SND1: variants seen among roughly 807,000 people sequenced by gnomAD.
The protein encoded by SND1 is staphylococcal nuclease and tudor domain containing 1, also known as staphylococcal nuclease domain-containing protein 1.
In SND1, 38 loss-of-function variants were observed where a neutral mutation model predicts 121.7. The observed-to-expected ratio is 0.31, with a 90% CI of 0.24 to 0.41. SND1 has a LOEUF of 0.41. SND1 is among the 10% of genes least tolerant of loss of function. The pLI, the probability that SND1 is intolerant of heterozygous loss-of-function variation, is 1.00. For missense variants in SND1, 868 were observed against 1,184.6 expected (o/e 0.73, Z 3.92); for synonymous variants, 401 against 447.4 (o/e 0.90, Z 1.31).
intron 12 of SND1, among the ~76,000 whole-genome samples, chr7:127,882,424 AGGAGGGGAGG>A (rs1303472797): frequency 3.4e-4 from 18 of 52,610 alleles, no homozygotes; most frequent in African/African-American, 1.3e-3. Context: ...AAAAGAGGAG[AGGAGGGGAGG>A]GGAGGGGAGG....
intron 1 of SND1, among the ~76,000 whole-genome samples, chr7:127,655,699 T>A (rs963572682): frequency 6.6e-6 from 1 of 152,222 alleles, no homozygotes; most frequent in Non-Finnish European, 1.5e-5. Context: ...AACAGAATAT[T>A]GTCAGCAGAT....
At chr7:127,817,949 T>C (rs1280064984) in intron 11 of SND1, among the ~76,000 whole-genome samples, 1 of 152,074 alleles carries the variant, frequency 6.6e-6, no homozygotes, top group Non-Finnish European at 1.5e-5. Flanking sequence ...ACATTGACAA[T>C]GACGTCGAGA....
At chr7:127,766,141 A>G (rs1434474190) in intron 10 of SND1, among the ~76,000 whole-genome samples, 1 of 152,088 alleles carries the variant, frequency 6.6e-6, no homozygotes, top group Non-Finnish European at 1.5e-5. Context: ...CCATGTGAGG[A>G]CGCCACACTC....
At chr7:127,765,506 T>C (rs192616553) in intron 10 of SND1, among the ~76,000 whole-genome samples, 325 of 152,334 alleles carry the variant, frequency 2.1e-3, no homozygotes, top group Non-Finnish European at 3.6e-3. Context: ...CCCTTAGTAA[T>C]TGGTAAAACT....
At chr7:127,865,508 TAAACAAAC>T (rs1040417206) in intron 12 of SND1, among the ~76,000 whole-genome samples, 1 of 152,176 alleles carries the variant, frequency 6.6e-6, no homozygotes, top group Non-Finnish European at 1.5e-5. Context: ...GGTACAAGAT[TAAACAAAC>T]AAACAAACAA....
At chr7:127,757,419 G>A (rs1433320716) in intron 10 of SND1, among the ~76,000 whole-genome samples, 2 of 152,062 alleles carry the variant, frequency 1.3e-5, no homozygotes, top group Non-Finnish European at 1.5e-5. Flanking sequence ...GCGCACATTC[G>A]TTTGTTTGTG....
intron 12 of SND1, among the ~76,000 whole-genome samples, chr7:127,856,950 C>T (rs1799285611): frequency 1.3e-5 from 2 of 152,078 alleles, no homozygotes; most frequent in Non-Finnish European, 2.9e-5. Flanking sequence ...ACTTAGCACC[C>T]TCTGCAGCTG....
chr7:127,917,648 C>A (rs1159991698), intron 14 of SND1, among the ~76,000 whole-genome samples: 3 of 152,148 alleles, frequency 2.0e-5, no homozygotes, highest in Non-Finnish European at 4.4e-5. Context: ...ATTTAGAACT[C>A]CTGAGCTCAA....
chr7:127,925,954 T>C (rs117359511), intron 14 of SND1, among the ~76,000 whole-genome samples: 2,605 of 151,972 alleles, frequency 0.017, 36 homozygotes, highest in South Asian at 0.041. Context: ...CTCCCGGCTC[T>C]TATTAACCCT....
At chr7:127,780,517 C>A (rs1797700000) in intron 10 of SND1, among the ~76,000 whole-genome samples, 1 of 152,228 alleles carries the variant, frequency 6.6e-6, no homozygotes, top group Non-Finnish European at 1.5e-5. Flanking sequence ...TGGATCCCAT[C>A]AGAAATAATT....
intron 16 of SND1, among the ~76,000 whole-genome samples, chr7:127,992,039 A>G (rs751725559): frequency 6.6e-6 from 1 of 152,160 alleles, no homozygotes; most frequent in Non-Finnish European, 1.5e-5. Context: ...CTTATTTTGT[A>G]GAAGAAAGTG....
chr7:127,803,114 C>G (rs1415227981), intron 10 of SND1, among the ~76,000 whole-genome samples: 1 of 152,244 alleles, frequency 6.6e-6, no homozygotes, highest in African/African-American at 2.4e-5. Context: ...GTGTCTTCAT[C>G]TCCTGCTGCC....
intron 2 of SND1, among the ~76,000 whole-genome samples, chr7:127,693,929 T>C (rs1418008502): frequency 6.6e-6 from 1 of 152,028 alleles, no homozygotes; most frequent in African/African-American, 2.4e-5. Flanking sequence ...CCAGGAGTGA[T>C]AGGATGGGGA....
rs377578538 is a variant in SND1 at position 127,807,466 on chromosome 7, G to A, written c.1153-18G>A. 41 of 1,591,456 alleles carry A rather than the reference G, an allele frequency of 2.6e-5. No individual in the cohort carries two copies. In the Middle Eastern group the frequency reaches 6.6e-4, roughly 26 times the overall value. On this transcript the variant is annotated intron_variant, in intron 10 of 23. Transcript: ENST00000354725. ...TGATATTGTTCATTCCTGATGTCAT[G>A]TTTTATTTTACTTTTAGGATAAGAA...
intron 1 of SND1, among the ~76,000 whole-genome samples, chr7:127,665,654 C>T (rs1358635700): frequency 6.6e-6 from 1 of 152,026 alleles, no homozygotes; most frequent in Non-Finnish European, 1.5e-5. Context: ...GTATAGGGAC[C>T]ACTGCAGTGG....
chr7:128,014,803 GA>G (rs1803192091), intron 16 of SND1, among the ~76,000 whole-genome samples: 1 of 152,178 alleles, frequency 6.6e-6, no homozygotes, highest in Admixed American at 6.5e-5. Flanking sequence ...CAGAGATGAA[GA>G]TTTTTTTTAA....
At chr7:127,824,935 A>G (rs1288976837) in intron 11 of SND1, among the ~76,000 whole-genome samples, 2 of 152,214 alleles carry the variant, frequency 1.3e-5, no homozygotes, top group Non-Finnish European at 1.5e-5. Context: ...ATGTACAACT[A>G]TAATAGTTTT....
intron 1 of SND1, among the ~76,000 whole-genome samples, chr7:127,671,296 T>G (rs1468427697): frequency 6.6e-6 from 1 of 152,222 alleles, no homozygotes; most frequent in Admixed American, 6.5e-5. Context: ...TGTATCCCCT[T>G]TACCAAGAGT....
Position 127,897,766 on chromosome 7 carries a change from A to G in SND1, c.1455-6981A>G, listed in dbSNP as rs921725104. Among the ~76,000 whole-genome samples the G allele has an allele frequency of 7.2e-5, 11 of 152,234 alleles. 1 individual carries two copies. Among genetic ancestry groups the G allele is most frequent in the African/African-American group, 2.6e-4 (11 of 41,550 alleles). On this transcript the variant is annotated intron_variant, in intron 13 of 23. Coordinates refer to ENST00000354725, the MANE Select transcript of SND1 (RefSeq NM_014390.4). ...ATATCTAGCAACAGGGGATTGATTA[A>G]AATTTTGAACCATACATCCATATAT... is the stretch of plus-strand genomic sequence containing the variant.
Sources: gnomAD v4.1 joint callset for allele counts (sites outside exome capture counted in the v4.1 genomes callset) on GRCh38, gnomAD v4.1.1 for gene constraint, MANE v1.5 for transcripts, NCBI Gene and HGNC (gene_info 2026-07-23, HGNC 2026-07-21) for gene names.